Variants in FGF1 observed in about 807,000 individuals in gnomAD.
FGF1 encodes fibroblast growth factor 1.
In FGF1, 9 loss-of-function variants were observed where a neutral mutation model predicts 13.4. That is an observed-to-expected ratio of 0.67 (90% CI 0.40 to 1.17). FGF1 has a LOEUF of 1.17. Among genes scored for constraint, FGF1 ranks in the 50% most tolerant of loss-of-function variants. The pLI is 0.01. For synonymous variants in FGF1, 93 were observed against 79.0 expected (o/e 1.18, Z -0.94); for missense variants, 156 against 192.7 (o/e 0.81, Z 1.13).
At chr5:142,626,084 T>C (rs1762402201) in intron 1 of FGF1, among the ~76,000 whole-genome samples, 1 of 152,228 alleles carries the variant, frequency 6.6e-6, no homozygotes, top group African/African-American at 2.4e-5. Flanking sequence ...TTCTTGAACA[T>C]TTACTGTATG....
At chr5:142,596,668 C>A (rs1192758456) in intron 3 of FGF1, among the ~76,000 whole-genome samples, 2 of 151,720 alleles carry the variant, frequency 1.3e-5, no homozygotes, top group African/African-American at 4.9e-5. Context: ...TTGCTCGACC[C>A]CAGGAGTTTG....
At chr5:142,618,072 T>C (rs967373575) in intron 1 of FGF1, among the ~76,000 whole-genome samples, 9 of 152,168 alleles carry the variant, frequency 5.9e-5, no homozygotes, top group African/African-American at 2.2e-4. Context: ...GAGGAGGGGA[T>C]TGTCTGTGTT....
intron 1 of FGF1, among the ~76,000 whole-genome samples, chr5:142,640,173 A>G (rs977708693): frequency 6.6e-6 from 1 of 151,990 alleles, no homozygotes; most frequent in Non-Finnish European, 1.5e-5. Flanking sequence ...ACTGAATTAG[A>G]CTATTATTCA....
intron 1 of FGF1, among the ~76,000 whole-genome samples, chr5:142,628,383 GC>G (rs1288615158): frequency 6.6e-6 from 1 of 152,152 alleles, no homozygotes; most frequent in Non-Finnish European, 1.5e-5. Context: ...GATGGCACAT[GC>G]CTGTAATCCC....
At chr5:142,669,998 C>T (rs957008962) in intron 1 of FGF1, among the ~76,000 whole-genome samples, 4 of 152,208 alleles carry the variant, frequency 2.6e-5, no homozygotes, top group Admixed American at 6.5e-5. Flanking sequence ...CTGCACTGCC[C>T]GAAGCTACAA....
At chr5:142,689,927 T>C (rs1206688415), upstream of FGF1, among the ~76,000 whole-genome samples, 3 of 149,686 alleles carry the variant, frequency 2.0e-5, no homozygotes, top group Non-Finnish European at 4.5e-5. Context: ...GGTCTCGATC[T>C]CCTGATCTCG....
chr5:142,665,538 T>C (rs1287832749), intron 1 of FGF1, among the ~76,000 whole-genome samples: 1 of 152,102 alleles, frequency 6.6e-6, no homozygotes, highest in Non-Finnish European at 1.5e-5. Flanking sequence ...TCTTCCTGTC[T>C]CCTCTCCCAC....
At chr5:142,667,585 CAA>C (rs747487970) in intron 1 of FGF1, among the ~76,000 whole-genome samples, 1,914 of 62,036 alleles carry the variant, frequency 0.031, 45 homozygotes, top group African/African-American at 0.086. Context: ...GACTCCGTCT[CAA>C]AAAAAAAAAA....
At chr5:142,596,526 T>C (rs1755296246) in intron 3 of FGF1, among the ~76,000 whole-genome samples, 1 of 148,918 alleles carries the variant, frequency 6.7e-6, no homozygotes, top group South Asian at 2.2e-4. Flanking sequence ...GAGGATTGCT[T>C]GAGCCCAGGA....
chr5:142,643,323 C>G (rs1343129703), intron 1 of FGF1, among the ~76,000 whole-genome samples: 1 of 151,834 alleles, frequency 6.6e-6, no homozygotes, highest in Admixed American at 6.6e-5. Context: ...ACACATACCC[C>G]AAAATATGAC....
rs76756695 is a variant in FGF1 at position 142,673,743 on chromosome 5, A to C, written c.-35+12214T>G. Among the ~76,000 whole-genome samples the C allele has an allele frequency of 1.5e-4, 23 of 152,264 alleles. No homozygotes were observed. The East Asian group carries it at 4.2e-3, about 28-fold the overall frequency. On this transcript the variant is annotated intron_variant, in intron 1 of 3. Transcript: ENST00000337706. Reference sequence around the variant, plus strand: ...TTCCTTCACCCCACTTAGGGTGATTAGGGTCAGTTCTCCACTCAGGGGTCC... The same window carrying C: ...TTCCTTCACCCCACTTAGGGTGATTCGGGTCAGTTCTCCACTCAGGGGTCC...
upstream of FGF1, among the ~76,000 whole-genome samples, chr5:142,690,355 TA>T (rs1364859243): frequency 6.6e-6 from 1 of 151,550 alleles, no homozygotes; most frequent in African/African-American, 2.4e-5. Flanking sequence ...AAATAAAAAA[TA>T]AAAAAAAATT....
chr5:142,687,333 C>T (rs1751420546), upstream of FGF1, among the ~76,000 whole-genome samples: 1 of 152,150 alleles, frequency 6.6e-6, no homozygotes, highest in African/African-American at 2.4e-5. Context: ...GGGAAGCCAT[C>T]CATGTGCCTT....
chr5:142,655,240 G>A (rs536369809), intron 1 of FGF1, among the ~76,000 whole-genome samples: 8 of 152,272 alleles, frequency 5.3e-5, no homozygotes, highest in Admixed American at 4.6e-4. Flanking sequence ...CCTTTATGAC[G>A]CTTGTAAAAT....
chr5:142,645,570 T>C (rs1203569527), intron 1 of FGF1, among the ~76,000 whole-genome samples: 1 of 152,142 alleles, frequency 6.6e-6, no homozygotes, highest in African/African-American at 2.4e-5. Context: ...ATGAGTAAAA[T>C]AATAGTACCT....
intron 1 of FGF1, among the ~76,000 whole-genome samples, chr5:142,642,668 G>T (rs1438638215): frequency 6.6e-6 from 1 of 152,216 alleles, no homozygotes; most frequent in Non-Finnish European, 1.5e-5. Flanking sequence ...AGCCACGTGG[G>T]CTCCCAGAGG....
At chr5:142,619,914 G>T (rs765254725) in intron 1 of FGF1, among the ~76,000 whole-genome samples, 29 of 150,504 alleles carry the variant, frequency 1.9e-4, no homozygotes, top group Admixed American at 6.6e-5. Flanking sequence ...AGAAAATAAA[G>T]TAAAAAAATT....
At chr5:142,644,588 C>A (rs1765712197) in intron 1 of FGF1, among the ~76,000 whole-genome samples, 1 of 152,178 alleles carries the variant, frequency 6.6e-6, no homozygotes, top group Admixed American at 6.5e-5. Context: ...AGAAACCAAG[C>A]CAGCTCCTCC....
intron 1 of FGF1, among the ~76,000 whole-genome samples, chr5:142,640,756 A>G (rs1170709908): frequency 6.6e-6 from 1 of 151,864 alleles, no homozygotes; most frequent in African/African-American, 2.4e-5. Context: ...ACCAAAAGTC[A>G]TTTCCTCCTG....
Sources: gnomAD v4.1 joint callset for allele counts (sites outside exome capture counted in the v4.1 genomes callset) on GRCh38, gnomAD v4.1.1 for gene constraint, MANE v1.5 for transcripts, NCBI Gene and HGNC (gene_info 2026-07-23, HGNC 2026-07-21) for gene names.